The following RAD54L2 variants were observed in gnomAD, a reference collection of about 807,000 sequenced individuals.
RAD54L2 encodes helicase ARIP4.
Under a neutral mutation model 138.4 loss-of-function variants are expected in RAD54L2, and 27 were observed. That is an observed-to-expected ratio of 0.20 (90% CI 0.14 to 0.27). RAD54L2 has a LOEUF of 0.27. RAD54L2 is among the 10% of genes least tolerant of loss of function. The probability of loss-of-function intolerance (pLI) is 1.00; values close to 1 mark genes in which losing one functional copy is unlikely to be tolerated. For missense variants in RAD54L2, 1,396 were observed against 1,890.2 expected (o/e 0.74, Z 4.85); for synonymous variants, 644 against 723.2 (o/e 0.89, Z 1.76).
At chr3:51,546,550 G>C (rs1403050283) in intron 2 of RAD54L2, among the ~76,000 whole-genome samples, 2 of 151,912 alleles carry the variant, frequency 1.3e-5, no homozygotes, top group African/African-American at 4.8e-5. Context: ...TGAGGCAGGA[G>C]AACCACTTGA....
chr3:51,550,937 C>T (rs1698819571), intron 2 of RAD54L2, among the ~76,000 whole-genome samples: 1 of 152,030 alleles, frequency 6.6e-6, no homozygotes, highest in Admixed American at 6.6e-5. Context: ...ATCCCAGCTA[C>T]TTGGGAGGCT....
intron 1 of RAD54L2, among the ~76,000 whole-genome samples, chr3:51,540,524 G>A (rs1463159854): frequency 6.6e-6 from 1 of 152,134 alleles, no homozygotes; most frequent in Non-Finnish European, 1.5e-5. Flanking sequence ...GGCAAAAGTT[G>A]GTGTGTTGTC....
chr3:51,601,123 T>C (rs1181203203), intron 3 of RAD54L2, among the ~76,000 whole-genome samples: 1 of 152,136 alleles, frequency 6.6e-6, no homozygotes, highest in Non-Finnish European at 1.5e-5. Context: ...AGTACTGTTA[T>C]GAACACGATT....
At chr3:51,587,258 G>A (rs1438744729) in intron 2 of RAD54L2, among the ~76,000 whole-genome samples, 2 of 151,854 alleles carry the variant, frequency 1.3e-5, no homozygotes, top group African/African-American at 2.4e-5. Context: ...CCGCCACCAC[G>A]CCCGGCTAAT....
rs1479339347 is a variant in RAD54L2, at chr3:51,538,767, C to G, written c.-265C>G. ...GAGACCGACGCTTGGCCAGAGCCAG[C>G]CCGCGGCGCCCGGGCCTGGCCGGCT... On this transcript the variant is annotated 5_prime_UTR_variant, in exon 1 of 23. Coordinates refer to ENST00000684192, the MANE Select transcript of RAD54L2 (RefSeq NM_015106.4). Among the ~76,000 whole-genome samples, 1 of 151,880 alleles carries G rather than the reference C, an allele frequency of 6.6e-6. No individual in the cohort carries two copies. Among genetic ancestry groups the G allele is most frequent in the Non-Finnish European group, 1.5e-5 (1 of 67,936 alleles).
At chr3:51,583,618 G>GTAAC (rs1699655046) in intron 2 of RAD54L2, among the ~76,000 whole-genome samples, 1 of 148,002 alleles carries the variant, frequency 6.8e-6, no homozygotes, top group African/African-American at 2.5e-5. Flanking sequence ...GTAGAGACGG[G>GTAAC]ATTTCTCCAT....
In RAD54L2 at chr3:51,582,146, A is replaced by G. The variant is rs535276569; in HGVS notation, c.-54-8221A>G. On this transcript the variant is annotated intron_variant, in intron 2 of 22. Transcript: ENST00000684192. ...GGTCTCAAACTCCTGGGCTCAAGCAATCCTCCCACCTTGGCTTCTCAAAAG... is the reference window on the plus strand; with the variant it reads ...GGTCTCAAACTCCTGGGCTCAAGCAGTCCTCCCACCTTGGCTTCTCAAAAG... 2.0e-5 allele frequency among the ~76,000 whole-genome samples: 3 copies of G among 152,042 alleles called. No homozygotes were observed. In the South Asian group the frequency reaches 6.2e-4, roughly 32 times the overall value.
At chr3:51,569,411 T>A (rs1192258103) in intron 2 of RAD54L2, among the ~76,000 whole-genome samples, 1 of 151,278 alleles carries the variant, frequency 6.6e-6, no homozygotes, top group African/African-American at 2.4e-5. Flanking sequence ...CTAGACGGAG[T>A]CTTGCTCTGT....
At chr3:51,568,987 G>C (rs889948346) in intron 2 of RAD54L2, among the ~76,000 whole-genome samples, 1 of 152,104 alleles carries the variant, frequency 6.6e-6, no homozygotes, top group Non-Finnish European at 1.5e-5. Flanking sequence ...AAACAAATGG[G>C]GTCAGCATTC....
At position 51,646,613 on chromosome 3, in the gene RAD54L2, G is replaced by T. The variant is rs745380844; in HGVS notation, c.3026+132G>T. On this transcript the variant is annotated intron_variant, in intron 19 of 22. Transcript: ENST00000684192. ...TGTGAATTGACAGGCTCTGCTCTAG[G>T]GTAGGTGTGAAAGCAGTTCAGTAGC... 387 of 1,005,844 alleles carry T rather than the reference G, an allele frequency of 3.8e-4. 1 individual carries two copies. Among genetic ancestry groups the T allele is most frequent in the Admixed American group, 8.5e-4 (29 of 34,052 alleles). The allele number at this position is 1,005,844 out of a possible 1,614,324, so 62.3% of individuals were successfully genotyped here. A position where few individuals can be genotyped will look rare whatever the true frequency, so the allele number is the denominator to read the frequency against.
At chr3:51,600,383 G>A (rs1324965915) in intron 3 of RAD54L2, among the ~76,000 whole-genome samples, 2 of 152,192 alleles carry the variant, frequency 1.3e-5, no homozygotes, top group Non-Finnish European at 2.9e-5. Flanking sequence ...GGGAGTCCAA[G>A]GCAGGAGAAT....
rs752227890 is a variant in RAD54L2, at chr3:51,613,765, CAAAA to C, written c.140-13772_140-13769del. Among the ~76,000 whole-genome samples the C allele has an allele frequency of 1.6e-4, 9 of 56,152 alleles. No homozygotes were observed. In the South Asian group the frequency reaches 4.3e-3, roughly 27 times the overall value. 36.8% of individuals were successfully genotyped at this position (56,152 alleles called of 152,430 possible). On this transcript the variant is annotated intron_variant, in intron 3 of 22. Coordinates refer to ENST00000684192, the MANE Select transcript of RAD54L2 (RefSeq NM_015106.4). ...GGGCGATAGAGTGAGACTCTGTCTC[CAAAA>C]AAAAAAAAAAAAAAAGGTACGTAGT... is the stretch of plus-strand genomic sequence containing the variant.
Position 51,639,524 on chromosome 3 carries a change from C to T in RAD54L2, c.1966C>T (p.Arg656Cys), listed in dbSNP as rs777257233. 10 of 1,613,858 alleles carry T rather than the reference C, an allele frequency of 6.2e-6. No homozygotes were observed. The highest frequency in any genetic ancestry group is 1.6e-4 in the Middle Eastern group (1 of 6,084). Residue 656 changes from arginine (R) to cysteine (C), a missense_variant, in exon 13 of 23, where the codon CGC becomes TGC. Transcript: ENST00000684192. The part of the protein sequence containing the change: ...EELGSAGTSA[R>C]CPPQGTKGKG... Reference sequence around the variant, plus strand: ...ACTTGGCTCTGCAGGGACCAGTGCCCGCTGTCCACCACAGGGAACAAAAGG... The same window carrying T: ...ACTTGGCTCTGCAGGGACCAGTGCCTGCTGTCCACCACAGGGAACAAAAGG...
rs1451813217 is a variant in RAD54L2 at position 51,630,797 on chromosome 3, G to C, written c.691G>C (p.Gly231Arg). Residue 231 changes from glycine to arginine, a missense_variant, in exon 7 of 23, where the codon GGT becomes CGT. Coordinates refer to ENST00000684192, the MANE Select transcript of RAD54L2 (RefSeq NM_015106.4). ...TGAAGATGATGAGGAAGAAGAGAAGGGTGGCACCCATGTCAATGATGTCTT... is the reference window on the plus strand; with the variant it reads ...TGAAGATGATGAGGAAGAAGAGAAGCGTGGCACCCATGTCAATGATGTCTT... ...VSEDDEEEEKGGTHVNDVLNQ... is the reference protein window; with the variant it reads ...VSEDDEEEEKRGTHVNDVLNQ... 1 of 1,613,948 alleles carries C rather than the reference G, an allele frequency of 6.2e-7. No individual in the cohort carries two copies. The highest frequency in any genetic ancestry group is 1.1e-5 in the South Asian group (1 of 91,084).
At chr3:51,582,799 C>T in intron 2 of RAD54L2, among the ~76,000 whole-genome samples, 1 of 151,356 alleles carries the variant, frequency 6.6e-6, no homozygotes, top group Non-Finnish European at 1.5e-5. Flanking sequence ...CGCTCTGTCG[C>T]CCAGGCCGGA....
intron 3 of RAD54L2, among the ~76,000 whole-genome samples, chr3:51,617,078 T>G (rs554578614): frequency 2.6e-5 from 4 of 152,350 alleles, no homozygotes; most frequent in Admixed American, 6.5e-5. Flanking sequence ...TTTTTATTGT[T>G]TAGTATTCCA....
In RAD54L2 at chr3:51,619,604, A is replaced by G. The variant is rs541477585; in HGVS notation, c.140-7949A>G. On this transcript the variant is annotated intron_variant, in intron 3 of 22. Transcript: ENST00000684192. The stretch of plus-strand genomic sequence containing the variant: ...CTCCTCATGGCCTTTCCAGTTTTCC[A>G]TTCACCACATTATCTCAAATACAGT... 1.1e-3 allele frequency among the ~76,000 whole-genome samples: 161 copies of G among 151,006 alleles called. 1 individual carries two copies. Among genetic ancestry groups the G allele is most frequent in the Admixed American group, 3.2e-3 (48 of 15,112 alleles).
Position 51,606,163 on chromosome 3 carries a change from C to A in RAD54L2, c.139+15604C>A, listed in dbSNP as rs142888270. 9.0e-3 allele frequency among the ~76,000 whole-genome samples: 1,375 copies of A among 152,148 alleles called. 29 individuals carry two copies. The highest frequency in any genetic ancestry group is 0.03 in the African/African-American group (1,227 of 41,512). ...GGCTAGAGGTGAGCAATCAAAAGAACCTTTAAGCATTTCAGATTTTTATCC... is the reference window on the plus strand; with the variant it reads ...GGCTAGAGGTGAGCAATCAAAAGAAACTTTAAGCATTTCAGATTTTTATCC... On this transcript the variant is annotated intron_variant, in intron 3 of 22. Transcript: ENST00000684192.
In RAD54L2 at chr3:51,634,017, T is replaced by C. The variant is rs1700915414; in HGVS notation, c.1124T>C (p.Ile375Thr). 3 of 1,613,624 alleles carry C rather than the reference T, an allele frequency of 1.9e-6. No homozygotes were observed. The highest frequency in any genetic ancestry group is 4.5e-5 in the East Asian group (2 of 44,886). The change falls in exon 9 of 23, where the codon ATC becomes ACC. Residue 375 changes from isoleucine (I) to threonine (T), a missense_variant. Ile to Thr is a moderately conservative substitution (Grantham distance 89). Coordinates refer to ENST00000684192, the MANE Select transcript of RAD54L2 (RefSeq NM_015106.4). Reference sequence around the variant, plus strand: ...CAGCCTCGGTTCTTTAAAGTTCACATCTTGAATGATGAGCACAAGTAGGTG... The same window carrying C: ...CAGCCTCGGTTCTTTAAAGTTCACACCTTGAATGATGAGCACAAGTAGGTG... ...EVQPRFFKVH[I>T]LNDEHKTMAS... is the part of the protein sequence containing the mutation.
Sources: gnomAD v4.1 joint callset for allele counts (sites outside exome capture counted in the v4.1 genomes callset) on GRCh38, gnomAD v4.1.1 for gene constraint, MANE v1.5 for transcripts, NCBI Gene and HGNC (gene_info 2026-07-23, HGNC 2026-07-21) for gene names.